The following LMX1A variants were observed in gnomAD, a reference collection of about 807,000 sequenced individuals.
The protein encoded by LMX1A is LIM homeobox transcription factor 1-alpha.
In LMX1A, 15 loss-of-function variants were observed where a neutral mutation model predicts 49.1. The ratio of observed to expected loss-of-function variants is 0.31; its 90% CI spans 0.20 to 0.47. The LOEUF (loss-of-function observed/expected upper bound fraction) is 0.47, where lower values mean the gene tolerates loss of function less well. Among genes scored for constraint, LMX1A ranks in the 20% least tolerant of loss-of-function variants. The pLI, the probability that LMX1A is intolerant of heterozygous loss-of-function variation, is 1.00. For missense variants in LMX1A, 372 were observed against 475.8 expected, an observed-to-expected ratio of 0.78 and a Z score of 2.03; for synonymous variants, 167 against 185.7, an observed-to-expected ratio of 0.90 and a Z score of 0.82.
chr1:165,226,749 A>G (rs1652050221), intron 4 of LMX1A, among the ~76,000 whole-genome samples: 1 of 152,248 alleles, frequency 6.6e-6, no homozygotes, highest in Non-Finnish European at 1.5e-5. Context: ...TTGTACATAG[A>G]CCAAACTTCT....
intron 4 of LMX1A, among the ~76,000 whole-genome samples, chr1:165,226,653 T>C (rs1220857508): frequency 1.3e-5 from 2 of 152,250 alleles, no homozygotes; most frequent in African/African-American, 4.8e-5. Context: ...GGTGCTGAGC[T>C]TAACCTTGCT....
At chr1:165,289,358 T>A (rs576007720) in intron 3 of LMX1A, among the ~76,000 whole-genome samples, 4 of 152,100 alleles carry the variant, frequency 2.6e-5, no homozygotes, top group African/African-American at 9.7e-5. Flanking sequence ...ATATGAGCAT[T>A]CTAGCATGTG....
chr1:165,282,990 C>T (rs1210695698), intron 3 of LMX1A, among the ~76,000 whole-genome samples: 2 of 152,236 alleles, frequency 1.3e-5, no homozygotes, highest in African/African-American at 4.8e-5. Flanking sequence ...TGATCCTCAC[C>T]ACTGTCTCCA....
At chr1:165,223,969 G>C (rs1651946940) in intron 4 of LMX1A, among the ~76,000 whole-genome samples, 1 of 152,184 alleles carries the variant, frequency 6.6e-6, no homozygotes, top group African/African-American at 2.4e-5. Context: ...ATATGGTTTG[G>C]ATCTGTGTCC....
intron 4 of LMX1A, among the ~76,000 whole-genome samples, chr1:165,231,381 G>T (rs1652235659): frequency 1.3e-5 from 2 of 151,814 alleles, no homozygotes. Context: ...ATAGCTCATG[G>T]CAGCTTTGAA....
intron 8 of LMX1A, among the ~76,000 whole-genome samples, chr1:165,205,278 C>A (rs181273601): frequency 6.6e-6 from 1 of 152,246 alleles, no homozygotes; most frequent in East Asian, 1.9e-4. Flanking sequence ...CGGTTGTTGT[C>A]CATTAGCTTA....
chr1:165,235,585 T>C (rs1236814861), intron 4 of LMX1A, among the ~76,000 whole-genome samples: 1 of 151,796 alleles, frequency 6.6e-6, no homozygotes. Context: ...GGGTGGGCCC[T>C]AATCCCGGGC....
At chr1:165,326,898 T>C (rs1655601277) in intron 3 of LMX1A, among the ~76,000 whole-genome samples, 1 of 152,222 alleles carries the variant, frequency 6.6e-6, no homozygotes, top group African/African-American at 2.4e-5. Flanking sequence ...GAGCCAGGGA[T>C]GCTGCTAAAC....
At chr1:165,332,698 TCAA>T (rs547748872) in intron 3 of LMX1A, among the ~76,000 whole-genome samples, 37 of 152,344 alleles carry the variant, frequency 2.4e-4, no homozygotes, top group Non-Finnish European at 4.6e-4. Flanking sequence ...ATTTTGTTTC[TCAA>T]CAACATTCAT....
chr1:165,314,157 A>G (rs983471774), intron 3 of LMX1A, among the ~76,000 whole-genome samples: 8 of 152,214 alleles, frequency 5.3e-5, no homozygotes, highest in African/African-American at 1.9e-4. Context: ...TGTCTCAGCC[A>G]TTTGTATGGA....
In LMX1A at chr1:165,203,151, C is replaced by T. The variant is rs899571424; in HGVS notation, c.*729G>A. 6.6e-6 allele frequency: 1 copy of T among 152,444 alleles called. No homozygotes were observed. Among genetic ancestry groups the T allele is most frequent in the African/African-American group, 2.4e-5 (1 of 41,418 alleles). The allele number at this position is 152,444 out of a possible 1,614,324, so 9.4% of individuals were successfully genotyped here. A position where few individuals can be genotyped will look rare whatever the true frequency, so the allele number is the denominator to read the frequency against. On this transcript the variant is annotated 3_prime_UTR_variant, in exon 9 of 9. Coordinates refer to ENST00000342310, the MANE Select transcript of LMX1A (RefSeq NM_177398.4). ...CCACCCCTGCCCAGTGATTCAACCC[C>T]AAAGAGAGCAAGAATGCAAGAGAGA...
chr1:165,353,855 A>G (rs1200294416), intron 2 of LMX1A, among the ~76,000 whole-genome samples: 1 of 152,212 alleles, frequency 6.6e-6, no homozygotes, highest in Non-Finnish European at 1.5e-5. Flanking sequence ...ACTGGCATGC[A>G]TATTGCACAT....
chr1:165,296,920 CA>C (rs1281284775), intron 3 of LMX1A, among the ~76,000 whole-genome samples: 2 of 152,220 alleles, frequency 1.3e-5, no homozygotes, highest in African/African-American at 2.4e-5. Flanking sequence ...AAGTGTTAGC[CA>C]AAAGGCTTCT....
chr1:165,213,614 C>G (rs1299945181), intron 5 of LMX1A, 27 bp downstream of exon 5: 1 of 1,600,672 alleles, frequency 6.2e-7, no homozygotes, highest in Non-Finnish European at 8.5e-7. Flanking sequence ...GGGCCCAGCT[C>G]CTTTTCCTCC....
At chr1:165,301,522 T>A (rs553717624) in intron 3 of LMX1A, among the ~76,000 whole-genome samples, 2 of 152,352 alleles carry the variant, frequency 1.3e-5, no homozygotes, top group South Asian at 4.1e-4. Flanking sequence ...GCTTACTCAA[T>A]GCCCATTCCA....
intron 3 of LMX1A, among the ~76,000 whole-genome samples, chr1:165,339,677 A>G (rs1013919265): frequency 9.2e-5 from 14 of 152,206 alleles, no homozygotes; most frequent in African/African-American, 3.4e-4. Flanking sequence ...CACCTCTGCC[A>G]GCCCCTGTAC....
chr1:165,254,718 G>C (rs1653174269), intron 3 of LMX1A, among the ~76,000 whole-genome samples: 1 of 152,176 alleles, frequency 6.6e-6, no homozygotes. Context: ...CTAATGCTCT[G>C]GATGGCATCC....
At chr1:165,295,359 AT>A in intron 3 of LMX1A, among the ~76,000 whole-genome samples, 1 of 151,006 alleles carries the variant, frequency 6.6e-6, no homozygotes, top group South Asian at 2.1e-4. Flanking sequence ...GTTCTTTATT[AT>A]TTTTTCATAA....
At chr1:165,221,074 A>C (rs1274790108) in intron 4 of LMX1A, among the ~76,000 whole-genome samples, 3 of 152,186 alleles carry the variant, frequency 2.0e-5, no homozygotes, top group Non-Finnish European at 2.9e-5. Flanking sequence ...CTGAGGCCCA[A>C]GAAGAAAGTA....
Sources: gnomAD v4.1 joint callset for allele counts (sites outside exome capture counted in the v4.1 genomes callset) on GRCh38, gnomAD v4.1.1 for gene constraint, MANE v1.5 for transcripts, NCBI Gene and HGNC (gene_info 2026-07-23, HGNC 2026-07-21) for gene names.